The following TENM2 variants were observed in gnomAD, a reference collection of about 807,000 sequenced individuals.
TENM2 encodes teneurin-2.
Under a neutral mutation model 245.2 loss-of-function variants are expected in TENM2, and 52 were observed. That is an observed-to-expected ratio of 0.21 (90% CI 0.17 to 0.27). The LOEUF is 0.27. Among genes scored for constraint, TENM2 ranks in the 10% least tolerant of loss-of-function variants. The pLI is 1.00. For missense variants in TENM2, 3,046 were observed against 3,666.8 expected, an observed-to-expected ratio of 0.83 and a Z score of 4.37; for synonymous variants, 1,363 against 1,438.9, an observed-to-expected ratio of 0.95 and a Z score of 1.19.
intron 2 of TENM2, among the ~76,000 whole-genome samples, chr5:167,403,530 A>C (rs1762474185): frequency 6.6e-6 from 1 of 152,132 alleles, no homozygotes; most frequent in Non-Finnish European, 1.5e-5. Flanking sequence ...CATGCCTTCT[A>C]CCTGAACGTA....
chr5:167,511,698 A>G (rs997135762), intron 2 of TENM2, among the ~76,000 whole-genome samples: 2 of 152,196 alleles, frequency 1.3e-5, no homozygotes, highest in Admixed American at 6.5e-5. Context: ...AGCCTGTGCC[A>G]TAAGCATTGC....
chr5:167,344,307 C>CATAT (rs1206561623), intron 1 of TENM2, among the ~76,000 whole-genome samples: 2,523 of 63,070 alleles, frequency 0.04, 38 homozygotes, highest in African/African-American at 0.071. Context: ...CACACACACA[C>CATAT]ACATATATAT....
At chr5:168,130,001 G>A (rs1581397090) in intron 12 of TENM2, 1 of 152,318 alleles carries the variant, frequency 6.6e-6, no homozygotes, top group South Asian at 2.1e-4. Context: ...GTTTACAAAA[G>A]GTCATAGGTG....
At chr5:167,160,618 C>T in the TENM2 span, among the ~76,000 whole-genome samples, 1 of 152,254 alleles carries the variant, frequency 6.6e-6, no homozygotes, top group Non-Finnish European at 1.5e-5. Flanking sequence ...TTGTCACTTC[C>T]TCAGAGAACT....
At chr5:167,617,406 ACT>A (rs2127762567) in intron 2 of TENM2, among the ~76,000 whole-genome samples, 1 of 152,182 alleles carries the variant, frequency 6.6e-6, no homozygotes, top group East Asian at 1.9e-4. Flanking sequence ...CTACATGAGA[ACT>A]CTCTGTTTTT....
At chr5:168,199,803 GTTACAGT>G in intron 16 of TENM2, 54 bp from the exon 19 acceptor site, 1 of 1,554,784 alleles carries the variant, frequency 6.4e-7, no homozygotes, top group Non-Finnish European at 8.7e-7. Flanking sequence ...CAGTATCGGG[GTTACAGT>G]TTACCTGCAC....
At chr5:167,909,029 T>G (rs758701403) in intron 3 of TENM2, among the ~76,000 whole-genome samples, 1 of 151,970 alleles carries the variant, frequency 6.6e-6, no homozygotes, top group Non-Finnish European at 1.5e-5. Context: ...CAGTGTGACA[T>G]TTCTGCTGAA....
chr5:167,512,423 T>G (rs922044785), intron 2 of TENM2, among the ~76,000 whole-genome samples: 1 of 152,174 alleles, frequency 6.6e-6, no homozygotes, highest in Non-Finnish European at 1.5e-5. Context: ...CTAACACTGA[T>G]GCTAAGGTGC....
upstream of TENM2, among the ~76,000 whole-genome samples, chr5:167,284,455 A>G: frequency 6.6e-6 from 1 of 152,230 alleles, no homozygotes; most frequent in East Asian, 1.9e-4. Flanking sequence ...ATTGCTTCAC[A>G]GTAAGATCTT....
intron 2 of TENM2, among the ~76,000 whole-genome samples, chr5:167,623,933 G>A (rs1409512922): frequency 1.3e-5 from 2 of 152,018 alleles, no homozygotes; most frequent in African/African-American, 4.8e-5. Context: ...GATGATGATG[G>A]GGCTGTGGAG....
chr5:168,132,877 GGGAAAACAAAGT>G (rs1366461660), intron 12 of TENM2, among the ~76,000 whole-genome samples: 1 of 152,198 alleles, frequency 6.6e-6, no homozygotes, highest in African/African-American at 2.4e-5. Flanking sequence ...CAAAGGAGAA[GGGAAAACAAAGT>G]GGTTCCTGGA....
At chr5:167,662,277 T>C (rs577554488) in intron 2 of TENM2, among the ~76,000 whole-genome samples, 1 of 152,262 alleles carries the variant, frequency 6.6e-6, no homozygotes, top group South Asian at 2.1e-4. Flanking sequence ...GACTCAGAGA[T>C]CTGCTCATTC....
At chr5:167,748,926 T>A (rs1001315432) in intron 2 of TENM2, among the ~76,000 whole-genome samples, 3 of 152,052 alleles carry the variant, frequency 2.0e-5, no homozygotes, top group African/African-American at 7.2e-5. Flanking sequence ...CACAGCCAAA[T>A]CATATTGGTG....
chr5:167,251,276 CA>C, the TENM2 span, among the ~76,000 whole-genome samples: 1 of 151,944 alleles, frequency 6.6e-6, no homozygotes, highest in East Asian at 1.9e-4. Flanking sequence ...TCTTTGGTTA[CA>C]AACAAATAAC....
At chr5:167,534,343 G>A (rs1220691170) in intron 2 of TENM2, among the ~76,000 whole-genome samples, 1 of 152,148 alleles carries the variant, frequency 6.6e-6, no homozygotes, top group African/African-American at 2.4e-5. Flanking sequence ...CAAAGAGCGT[G>A]AAAACCACTT....
intron 2 of TENM2, among the ~76,000 whole-genome samples, chr5:167,737,824 A>G (rs1336845336): frequency 6.6e-6 from 1 of 152,230 alleles, no homozygotes; most frequent in Non-Finnish European, 1.5e-5. Context: ...CTAGGACACA[A>G]GTAAAAATAT....
intron 2 of TENM2, among the ~76,000 whole-genome samples, chr5:167,783,142 T>C (rs964295856): frequency 6.6e-6 from 1 of 151,306 alleles, no homozygotes; most frequent in Non-Finnish European, 1.5e-5. Flanking sequence ...CTGTGGAAGA[T>C]GAAACATTGA....
chr5:167,202,233 T>C, the TENM2 span, among the ~76,000 whole-genome samples: 1 of 152,184 alleles, frequency 6.6e-6, no homozygotes, highest in Non-Finnish European at 1.5e-5. Context: ...CAAGTTTCTT[T>C]AGGTTCTTCC....
chr5:167,466,830 G>A (rs1448541108), intron 2 of TENM2, among the ~76,000 whole-genome samples: 1 of 152,054 alleles, frequency 6.6e-6, no homozygotes, highest in Non-Finnish European at 1.5e-5. Flanking sequence ...ATTTTCTCAC[G>A]TAAGCAAGGT....
Sources: allele counts gnomAD v4.1 joint callset (sites outside exome capture counted in the v4.1 genomes callset), GRCh38; gene constraint gnomAD v4.1.1; transcripts MANE v1.5; gene names NCBI Gene and HGNC (gene_info 2026-07-23, HGNC 2026-07-21).